The following PHTF2 variants were observed in gnomAD, a reference collection of about 807,000 sequenced individuals.
The protein encoded by PHTF2 is putative homeodomain transcription factor 2.
In PHTF2, 60 loss-of-function variants were observed where a neutral mutation model predicts 101.2. The observed-to-expected ratio is 0.59, with a 90% CI of 0.48 to 0.73. PHTF2 has a LOEUF of 0.73. Ranked by LOEUF, PHTF2 falls within the 30% of genes least tolerant of loss-of-function variation. The pLI is 0.00. For missense variants in PHTF2, 747 were observed against 908.7 expected, an observed-to-expected ratio of 0.82 and a Z score of 2.29; for synonymous variants, 311 against 307.3, an observed-to-expected ratio of 1.01 and a Z score of -0.13.
intron 1 of PHTF2, among the ~76,000 whole-genome samples, chr7:77,801,202 G>A (rs1448339206): frequency 1.3e-5 from 2 of 152,190 alleles, no homozygotes; most frequent in South Asian, 4.1e-4. Flanking sequence ...TACAGATTGA[G>A]CATCTGTAAA....
chr7:77,920,167 A>T, intron 9 of PHTF2, 112 bp from the exon 9 acceptor site: 1 of 603,968 alleles, frequency 1.7e-6, no homozygotes, highest in Non-Finnish European at 2.9e-6. Flanking sequence ...GTGGTCATTA[A>T]AATTTAGAGA....
exon 20 of PHTF2, chr7:77,956,246 A>G (rs1180875792): frequency 6.6e-6 from 1 of 152,568 alleles, no homozygotes; most frequent in African/African-American, 2.4e-5. Flanking sequence ...GAATATCCTC[A>G]TATTTTTACC....
At chr7:77,823,518 C>T (rs1794471912) in intron 1 of PHTF2, among the ~76,000 whole-genome samples, 1 of 152,212 alleles carries the variant, frequency 6.6e-6, no homozygotes, top group South Asian at 2.1e-4. Context: ...CGTGCCTGGC[C>T]TGAATCTTAA....
At chr7:77,823,224 ACT>A (rs974605182) in intron 1 of PHTF2, among the ~76,000 whole-genome samples, 1 of 113,876 alleles carries the variant, frequency 8.8e-6, no homozygotes, top group Non-Finnish European at 1.8e-5. Context: ...ATCTTAAATT[ACT>A]CTCTTTTTTT....
intron 7 of PHTF2, among the ~76,000 whole-genome samples, chr7:77,905,577 C>T (rs1402346013): frequency 6.6e-6 from 1 of 152,082 alleles, no homozygotes; most frequent in Non-Finnish European, 1.5e-5. Context: ...TGGCTCGCTG[C>T]AGCCTCAACC....
At chr7:77,937,491 A>G (rs1805245799) in intron 12 of PHTF2, among the ~76,000 whole-genome samples, 1 of 152,264 alleles carries the variant, frequency 6.6e-6, no homozygotes, top group East Asian at 1.9e-4. Context: ...TAATTTTAAG[A>G]TAGAATTTTA....
chr7:77,955,917 C>CT (rs1237035761), exon 20 of PHTF2: 1 of 152,468 alleles, frequency 6.6e-6, no homozygotes, highest in Non-Finnish European at 1.5e-5. Context: ...ATTCTATCCT[C>CT]TAAACTTATC....
chr7:77,813,216 CA>C (rs1214252709), intron 1 of PHTF2, among the ~76,000 whole-genome samples: 1 of 152,090 alleles, frequency 6.6e-6, no homozygotes, highest in Non-Finnish European at 1.5e-5. Flanking sequence ...AAGAGATGTG[CA>C]AAAACTGAGC....
At chr7:77,804,222 T>C (rs891535736) in intron 1 of PHTF2, among the ~76,000 whole-genome samples, 1 of 152,244 alleles carries the variant, frequency 6.6e-6, no homozygotes, top group African/African-American at 2.4e-5. Flanking sequence ...GTGTGTCTTT[T>C]GGGTGCTGAA....
intron 3 of PHTF2, among the ~76,000 whole-genome samples, chr7:77,877,137 A>G (rs1799015681): frequency 7.0e-6 from 1 of 143,306 alleles, no homozygotes; most frequent in South Asian, 2.2e-4. Context: ...TTTTTTTGAG[A>G]CAGAGTTTCG....
intron 1 of PHTF2, among the ~76,000 whole-genome samples, chr7:77,816,326 C>T (rs571175879): frequency 2.6e-5 from 4 of 152,108 alleles, no homozygotes; most frequent in East Asian, 1.9e-4. Flanking sequence ...CTGCCTGCCT[C>T]GGCCTCCCAA....
intron 9 of PHTF2, among the ~76,000 whole-genome samples, chr7:77,914,297 T>C (rs1321564563): frequency 6.6e-6 from 1 of 151,822 alleles, no homozygotes; most frequent in Non-Finnish European, 1.5e-5. Flanking sequence ...CACATTTCGA[T>C]TGGGTCTTGA....
chr7:77,902,059 A>T (rs1801442890), intron 7 of PHTF2, 139 bp downstream of exon 6: 2 of 422,012 alleles, frequency 4.7e-6, no homozygotes, highest in East Asian at 7.3e-5. Flanking sequence ...TTGATTTGGT[A>T]TTAAAAATAT....
chr7:77,838,022 A>T (rs2150571954), intron 1 of PHTF2, among the ~76,000 whole-genome samples: 1 of 152,282 alleles, frequency 6.6e-6, no homozygotes, highest in Middle Eastern at 3.4e-3. Context: ...TGAAAAGTTG[A>T]TATTCTCATA....
chr7:77,874,799 T>C (rs1798799357), intron 3 of PHTF2, among the ~76,000 whole-genome samples: 1 of 152,232 alleles, frequency 6.6e-6, no homozygotes, highest in Admixed American at 6.5e-5. Flanking sequence ...CCATCACATA[T>C]GTGGTAAAAT....
At chr7:77,943,350 A>G (rs561544618) in intron 16 of PHTF2, among the ~76,000 whole-genome samples, 155 of 152,240 alleles carry the variant, frequency 1.0e-3, no homozygotes, top group Non-Finnish European at 2.1e-3. Context: ...GATGGTCTCA[A>G]TCTCCTGACC....
In PHTF2 at chr7:77,833,802, G is replaced by T. The variant is rs376168752; in HGVS notation, c.-35-6419G>T. ...GATCAAGCCACTGCACTTCAGTCTG[G>T]GTGACAGTGAGACCCTATCTCTAAA... On this transcript the variant is annotated intron_variant, in intron 1 of 19. Transcript: ENST00000416283. Among the ~76,000 whole-genome samples the T allele has an allele frequency of 1.8e-3, 272 of 152,108 alleles. 2 individuals carry two copies. Among genetic ancestry groups the T allele is most frequent in the African/African-American group, 6.2e-3 (256 of 41,514 alleles).
chr7:77,824,266 T>C (rs1281733691), intron 1 of PHTF2, among the ~76,000 whole-genome samples: 3 of 151,830 alleles, frequency 2.0e-5, no homozygotes, highest in African/African-American at 4.8e-5. Context: ...TTTGTTTTTT[T>C]TTTTTTTCTT....
chr7:77,829,771 A>G (rs555335796), intron 1 of PHTF2, among the ~76,000 whole-genome samples: 2 of 152,316 alleles, frequency 1.3e-5, no homozygotes, highest in South Asian at 2.1e-4. Context: ...GCATTTAGGA[A>G]TGGTGTTAGA....
Sources: allele counts gnomAD v4.1 joint callset (sites outside exome capture counted in the v4.1 genomes callset), GRCh38; gene constraint gnomAD v4.1.1; transcripts MANE v1.5; gene names NCBI Gene and HGNC (gene_info 2026-07-23, HGNC 2026-07-21).